Variants in CCDC192 observed in about 807,000 individuals in gnomAD.
The protein encoded by CCDC192 is coiled-coil domain containing 192.
intron 6 of CCDC192, among the ~76,000 whole-genome samples, chr5:127,898,593 G>A (rs1379858724): frequency 6.6e-6 from 1 of 152,108 alleles, no homozygotes; most frequent in Non-Finnish European, 1.5e-5. Context: ...GGAAGGGAGA[G>A]GTGGAATACA....
rs1159325664 is a variant in CCDC192 at position 127,836,913 on chromosome 5, T to C, written c.412-38625T>C. Among the ~76,000 whole-genome samples, 5 of 82,380 alleles carry C rather than the reference T, an allele frequency of 6.1e-5. 2 individuals are homozygous for C. The allele number at this position is 82,380 out of a possible 152,430, so 54.0% of individuals were successfully genotyped here. A position where few individuals can be genotyped will look rare whatever the true frequency, so the allele number is the denominator to read the frequency against. ...GCCTTGGTAATTAACATTTGGCTTC[T>C]TGTTACTTATGCAACTTTCTGCAAC... On this transcript the variant is annotated intron_variant, in intron 5 of 6. Transcript: ENST00000514853.
intron 6 of CCDC192, among the ~76,000 whole-genome samples, chr5:127,914,385 G>T (rs1006255548): frequency 6.6e-6 from 1 of 152,072 alleles, no homozygotes; most frequent in Admixed American, 6.6e-5. Flanking sequence ...GGTATGGTCT[G>T]GGACAATATT....
chr5:127,910,503 A>G (rs971360976), intron 6 of CCDC192, among the ~76,000 whole-genome samples: 10 of 152,362 alleles, frequency 6.6e-5, no homozygotes, highest in African/African-American at 2.2e-4. Flanking sequence ...AGCTGTGCTT[A>G]TAAATGGTTG....
intron 1 of CCDC192, among the ~76,000 whole-genome samples, chr5:127,705,121 A>G (rs532634415): frequency 6.6e-6 from 1 of 152,342 alleles, no homozygotes; most frequent in East Asian, 1.9e-4. Flanking sequence ...AACAAACTTT[A>G]TAAACATATT....
intron 5 of CCDC192, among the ~76,000 whole-genome samples, chr5:127,810,837 G>A (rs1171023470): frequency 6.6e-6 from 1 of 152,180 alleles, no homozygotes; most frequent in East Asian, 1.9e-4. Context: ...TCATTTGGGA[G>A]GAAGGGTGGT....
intron 3 of CCDC192, among the ~76,000 whole-genome samples, chr5:127,760,921 G>A (rs961808646): frequency 4.6e-5 from 7 of 151,956 alleles, no homozygotes; most frequent in African/African-American, 1.5e-4. Flanking sequence ...TAAATTACCC[G>A]TAATTTGTAT....
intron 5 of CCDC192, among the ~76,000 whole-genome samples, chr5:127,857,350 A>G (rs1293440871): frequency 1.3e-5 from 2 of 152,132 alleles, no homozygotes; most frequent in Non-Finnish European, 2.9e-5. Flanking sequence ...AAACCCTGTT[A>G]ATGTTAACTC....
chr5:127,798,269 A>C (rs1393922311), intron 5 of CCDC192, 107 bp downstream of exon 5: 1 of 393,316 alleles, frequency 2.5e-6, no homozygotes, highest in Non-Finnish European at 4.5e-6. Context: ...GGAGCAAACC[A>C]AATCACAAGG....
chr5:127,738,978 G>C (rs1278202799), intron 2 of CCDC192, among the ~76,000 whole-genome samples: 1 of 151,880 alleles, frequency 6.6e-6, no homozygotes, highest in African/African-American at 2.4e-5. Flanking sequence ...GTGAGGAACT[G>C]TGTTCCTTTG....
intron 6 of CCDC192, among the ~76,000 whole-genome samples, chr5:127,909,558 A>G (rs1374948516): frequency 6.6e-6 from 1 of 152,078 alleles, no homozygotes; most frequent in African/African-American, 2.4e-5. Context: ...TTGTGTCCTT[A>G]GTATACAATA....
At chr5:127,702,414 A>C (rs1184481311), upstream of CCDC192, among the ~76,000 whole-genome samples, 1 of 152,202 alleles carries the variant, frequency 6.6e-6, no homozygotes, top group Non-Finnish European at 1.5e-5. Flanking sequence ...CAGAACAACA[A>C]CCGCTCAATA....
At chr5:127,757,767 T>TACACACAC (rs60177261) in intron 3 of CCDC192, among the ~76,000 whole-genome samples, 21 of 129,722 alleles carry the variant, frequency 1.6e-4, no homozygotes, top group East Asian at 7.8e-4. Flanking sequence ...AGACAAGGAT[T>TACACACAC]ACACACACAC....
chr5:127,797,971 T>C (rs1046525612), intron 4 of CCDC192, 135 bp from the exon 5 acceptor site: 3 of 389,362 alleles, frequency 7.7e-6, no homozygotes, highest in African/African-American at 4.1e-5. Flanking sequence ...TCTCCAATGA[T>C]GGTTTTCAAA....
intron 5 of CCDC192, among the ~76,000 whole-genome samples, chr5:127,826,424 C>T (rs917147439): frequency 2.6e-5 from 4 of 151,834 alleles, no homozygotes; most frequent in African/African-American, 9.7e-5. Flanking sequence ...CCAGCAGTGC[C>T]GTTATTGGGT....
chr5:127,749,198 A>C (rs1409897310), intron 2 of CCDC192, among the ~76,000 whole-genome samples: 1 of 151,972 alleles, frequency 6.6e-6, no homozygotes, highest in African/African-American at 2.4e-5. Context: ...CCCAGTTTTC[A>C]AAGGGAATGC....
intron 5 of CCDC192, among the ~76,000 whole-genome samples, chr5:127,851,851 A>T (rs780340635): frequency 6.6e-6 from 1 of 152,174 alleles, no homozygotes; most frequent in Non-Finnish European, 1.5e-5. Context: ...AATGACTTAC[A>T]TTGAGCCCAC....
At chr5:127,793,780 G>A (rs190903023) in intron 3 of CCDC192, among the ~76,000 whole-genome samples, 1 of 152,234 alleles carries the variant, frequency 6.6e-6, no homozygotes, top group East Asian at 1.9e-4. Context: ...AGTTTCTGCT[G>A]TTTTTCATAA....
At chr5:127,786,938 G>C in intron 3 of CCDC192, 1 of 405,152 alleles carries the variant, frequency 2.5e-6, no homozygotes, top group Non-Finnish European at 4.8e-6. Context: ...TGGTCATGCT[G>C]TGCCACATGT....
At chr5:127,758,381 T>G (rs1045749309) in intron 3 of CCDC192, among the ~76,000 whole-genome samples, 2 of 152,224 alleles carry the variant, frequency 1.3e-5, no homozygotes, top group Non-Finnish European at 2.9e-5. Context: ...GGCTTCACTT[T>G]AGCTTACAAT....
Sources: gnomAD v4.1 joint callset for allele counts (sites outside exome capture counted in the v4.1 genomes callset) on GRCh38, gnomAD v4.1.1 for gene constraint, MANE v1.5 for transcripts, NCBI Gene and HGNC (gene_info 2026-07-23, HGNC 2026-07-21) for gene names.